The following GRM7 variants were observed in gnomAD, a reference collection of about 807,000 sequenced individuals.
GRM7 encodes glutamate metabotropic receptor 7.
GRM7 carries 35 observed loss-of-function variants against 84.5 expected under a neutral mutation model. The observed-to-expected ratio is 0.41, with a 90% CI of 0.32 to 0.55. The LOEUF (loss-of-function observed/expected upper bound fraction) is 0.55, where lower values mean the gene tolerates loss of function less well. GRM7 is among the 20% of genes least tolerant of loss of function. GRM7 has a pLI of 0.19. For synonymous variants in GRM7, 487 were observed against 455.1 expected (o/e 1.07, Z -0.89); for missense variants, 1,003 against 1,194.6 (o/e 0.84, Z 2.36).
At chr3:7,672,454 A>G (rs547330013) in intron 8 of GRM7, among the ~76,000 whole-genome samples, 2 of 152,194 alleles carry the variant, frequency 1.3e-5, no homozygotes, top group African/African-American at 4.8e-5. Context: ...CTGGGATTTC[A>G]TAAGAATTGT....
chr3:7,482,894 A>T (rs1455052462), intron 7 of GRM7, among the ~76,000 whole-genome samples: 1 of 152,180 alleles, frequency 6.6e-6, no homozygotes, highest in Non-Finnish European at 1.5e-5. Context: ...AATAAGTGAC[A>T]TTAAATAAAT....
intron 7 of GRM7, among the ~76,000 whole-genome samples, chr3:7,477,917 C>T (rs185998347): frequency 6.6e-5 from 10 of 152,170 alleles, no homozygotes; most frequent in Admixed American, 3.3e-4. Flanking sequence ...TTATAAGGAC[C>T]GGTTATAAGT....
chr3:7,282,527 G>T (rs923059168), intron 2 of GRM7, among the ~76,000 whole-genome samples: 8 of 152,248 alleles, frequency 5.3e-5, no homozygotes, highest in East Asian at 3.9e-4. Context: ...ACTCTCACAT[G>T]TCAAAGTAGG....
chr3:7,028,225 C>G (rs971173469), intron 1 of GRM7, among the ~76,000 whole-genome samples: 1 of 152,160 alleles, frequency 6.6e-6, no homozygotes, highest in African/African-American at 2.4e-5. Flanking sequence ...TGCCTGACTC[C>G]TGGTTTATAA....
At chr3:7,624,557 T>C (rs1467160088) in intron 8 of GRM7, among the ~76,000 whole-genome samples, 1 of 152,114 alleles carries the variant, frequency 6.6e-6, no homozygotes, top group Non-Finnish European at 1.5e-5. Context: ...CACTACAAAA[T>C]TGTAATGTAA....
intron 1 of GRM7, among the ~76,000 whole-genome samples, chr3:7,065,620 G>C (rs1163245111): frequency 1.3e-5 from 2 of 151,882 alleles, no homozygotes; most frequent in African/African-American, 4.8e-5. Flanking sequence ...AAATCACGTA[G>C]TGTGATTCCT....
At chr3:7,687,699 T>G (rs935538427) in intron 9 of GRM7, among the ~76,000 whole-genome samples, 1 of 152,174 alleles carries the variant, frequency 6.6e-6, no homozygotes, top group Non-Finnish European at 1.5e-5. Flanking sequence ...ATGGGACTTT[T>G]ATCAGATCAC....
Position 7,359,220 on chromosome 3 carries a change from T to TTGTGTGTGTGTGTGTGTGTG in GRM7, c.1033+52584_1033+52603dup, listed in dbSNP as rs34535570. Among the ~76,000 whole-genome samples the TTGTGTGTGTGTGTGTGTGTG allele has an allele frequency of 8.0e-3, 1,061 of 133,204 alleles. 41 individuals carry two copies. The highest frequency in any genetic ancestry group is 0.012 in the Non-Finnish European group (726 of 62,836). 87.4% of individuals were successfully genotyped at this position (133,204 alleles called of 152,430 possible). A position where few individuals can be genotyped will look rare whatever the true frequency, so the allele number is the denominator to read the frequency against. ...TTACCATTTGGTAGGGTGTTTGTGT[T>TTGTGTGTGTGTGTGTGTGTG]TGTGTGTGTGTGTGTGTGTGTGTGT... On this transcript the variant is annotated intron_variant, in intron 4 of 9. Coordinates refer to ENST00000357716, the MANE Select transcript of GRM7 (RefSeq NM_000844.4).
chr3:6,925,168 T>A (rs1019461078), intron 1 of GRM7, among the ~76,000 whole-genome samples: 42 of 152,312 alleles, frequency 2.8e-4, no homozygotes, highest in Admixed American at 2.6e-4. Flanking sequence ...TATTTCTTCC[T>A]TCCATTTCAT....
chr3:6,922,818 G>A (rs1454067559), intron 1 of GRM7, among the ~76,000 whole-genome samples: 1 of 152,114 alleles, frequency 6.6e-6, no homozygotes, highest in African/African-American at 2.4e-5. Flanking sequence ...TAAAGGTATG[G>A]TATTTTGACT....
intron 7 of GRM7, among the ~76,000 whole-genome samples, chr3:7,502,486 G>T (rs758140070): frequency 1.1e-4 from 16 of 152,102 alleles, no homozygotes; most frequent in Admixed American, 2.6e-4. Flanking sequence ...TTTCTTCCAA[G>T]TCTAAGAACA....
At chr3:7,560,528 C>T (rs1271074763) in intron 7 of GRM7, among the ~76,000 whole-genome samples, 1 of 152,026 alleles carries the variant, frequency 6.6e-6, no homozygotes, top group Non-Finnish European at 1.5e-5. Flanking sequence ...CCCAGACCAA[C>T]AACATTACCT....
At chr3:7,212,624 G>A (rs561657974) in intron 2 of GRM7, among the ~76,000 whole-genome samples, 2 of 152,242 alleles carry the variant, frequency 1.3e-5, no homozygotes, top group Admixed American at 6.5e-5. Context: ...TTTGTACAAT[G>A]TAGCTTCCAG....
At chr3:6,995,372 AC>A (rs1156283949) in intron 1 of GRM7, among the ~76,000 whole-genome samples, 6 of 152,244 alleles carry the variant, frequency 3.9e-5, no homozygotes, top group Non-Finnish European at 8.8e-5. Flanking sequence ...TTGCAAGAAT[AC>A]TTTTCTTATA....
At chr3:7,402,227 C>G (rs993103798) in intron 4 of GRM7, among the ~76,000 whole-genome samples, 1 of 152,184 alleles carries the variant, frequency 6.6e-6, no homozygotes, top group Admixed American at 6.5e-5. Flanking sequence ...GGAAGAGAAT[C>G]TGGTTGGCAC....
At chr3:7,161,047 AAAACATTCT>A (rs1214781243) in intron 2 of GRM7, among the ~76,000 whole-genome samples, 1 of 152,090 alleles carries the variant, frequency 6.6e-6, no homozygotes, top group Non-Finnish European at 1.5e-5. Context: ...GCAGGGGAGG[AAAACATTCT>A]AAAATTAGAA....
intron 7 of GRM7, among the ~76,000 whole-genome samples, chr3:7,565,668 A>T (rs1011888980): frequency 6.6e-6 from 1 of 152,180 alleles, no homozygotes; most frequent in Non-Finnish European, 1.5e-5. Flanking sequence ...GTCATTGATG[A>T]TATTAACCGA....
intron 1 of GRM7, among the ~76,000 whole-genome samples, chr3:7,066,488 C>A (rs753354921): frequency 6.6e-6 from 1 of 150,576 alleles, no homozygotes; most frequent in African/African-American, 2.5e-5. Flanking sequence ...AATTAGATAC[C>A]CTGAACAGAC....
rs558946989 is a variant in GRM7 at position 7,298,951 on chromosome 3, T to A, written c.878+126T>A. Reference sequence around the variant, plus strand: ...AAGCTGTAATCATACAGCGGCGAAGTCTGTGCTTGCCTCTACCCAACACAT... The same window carrying A: ...AAGCTGTAATCATACAGCGGCGAAGACTGTGCTTGCCTCTACCCAACACAT... On this transcript the variant is annotated intron_variant, in intron 3 of 9. Coordinates refer to ENST00000357716, the MANE Select transcript of GRM7 (RefSeq NM_000844.4). The A allele has an allele frequency of 2.3e-5, 19 of 838,048 alleles. No individual in the cohort carries two copies. In the African/African-American group the frequency reaches 2.9e-4, roughly 13 times the overall value. 51.9% of individuals were successfully genotyped at this position (838,048 alleles called of 1,614,324 possible).
Sources: allele counts gnomAD v4.1 joint callset (sites outside exome capture counted in the v4.1 genomes callset), GRCh38; gene constraint gnomAD v4.1.1; transcripts MANE v1.5; gene names NCBI Gene and HGNC (gene_info 2026-07-23, HGNC 2026-07-21).